Variants in SPTB observed in about 807,000 individuals in gnomAD.
SPTB encodes spectrin beta chain, erythrocytic.
SPTB carries 45 observed loss-of-function variants against 256.2 expected under a neutral mutation model. The observed-to-expected ratio is 0.18, with a 90% CI of 0.14 to 0.23. The LOEUF is 0.23. Ranked by LOEUF, SPTB falls within the 10% of genes least tolerant of loss-of-function variation. SPTB has a pLI of 1.00. For missense variants in SPTB, 2,715 were observed against 3,040.4 expected (o/e 0.89, Z 2.52); for synonymous variants, 1,231 against 1,243.1 (o/e 0.99, Z 0.21).
chr14:64,782,689 C>T, intron 19 of SPTB, 136 bp from the exon 20 acceptor site: 2 of 1,335,266 alleles, frequency 1.5e-6, no homozygotes, highest in Admixed American at 1.9e-5. Flanking sequence ...GGGTAAGACT[C>T]AACTGAAATG....
rs969007086 is a variant in SPTB at position 64,778,808 on chromosome 14, T to A, written c.4563+349A>T. On this transcript the variant is annotated intron_variant, in intron 22 of 35. Coordinates refer to ENST00000644917, the MANE Select transcript of SPTB (RefSeq NM_001355436.2). The surrounding 1 kb of genome is among the most constrained non-coding windows in gnomAD (Gnocchi z 5.2). ...GAGAGATCAGGAGTTACTGCCCTCC[T>A]CTCAGGCAGACCACTGGATACACCG... 6.6e-6 allele frequency among the ~76,000 whole-genome samples: 1 copy of A among 152,008 alleles called. No individual in the cohort carries two copies. The highest frequency in any genetic ancestry group is 2.4e-5 in the African/African-American group (1 of 41,362).
chr14:64,753,560 C>A lies in SPTB; in HGVS notation c.6579G>T (p.Gly2193=), dbSNP rs1367653277. The A allele has an allele frequency of 6.2e-7, 1 of 1,613,542 alleles. No individual in the cohort carries two copies. Among genetic ancestry groups the A allele is most frequent in the South Asian group, 1.1e-5 (1 of 91,086 alleles). The change falls in exon 33 of 36, where the codon GGG becomes GGT. Residue 2193 remains glycine, a synonymous_variant. Coordinates refer to ENST00000644917, the MANE Select transcript of SPTB (RefSeq NM_001355436.2). ...GYLGRKHDLE[G]PNKKASNRSW... ...ACCTGTTGGAAGCCTTCTTGTTGGG[C>A]CCCTCCAGGTCATGCTTGCGGCCCA...
In SPTB at chr14:64,824,546, A is replaced by C. The variant is rs2083347604; in HGVS notation, c.-51-1401T>G. Among the ~76,000 whole-genome samples the C allele has an allele frequency of 6.6e-6, 1 of 152,140 alleles. No individual in the cohort carries two copies. Among genetic ancestry groups the C allele is most frequent in the Non-Finnish European group, 1.5e-5 (1 of 68,014 alleles). The stretch of plus-strand genomic sequence containing the variant: ...ACTCCAAGATCAAGTCTGTAAGAGA[A>C]TAGGGGACCCAGAGCCTTCACAACC... On this transcript the variant is annotated intron_variant, in intron 1 of 35. Coordinates refer to ENST00000644917, the MANE Select transcript of SPTB (RefSeq NM_001355436.2). The surrounding 1 kb of genome is among the most constrained non-coding windows in gnomAD (Gnocchi z 5.7).
intron 1 of SPTB, among the ~76,000 whole-genome samples, chr14:64,862,065 C>T (rs940288944): frequency 1.3e-5 from 2 of 152,200 alleles, no homozygotes; most frequent in South Asian, 4.1e-4. Context: ...AAATCGACAC[C>T]CCCAGCCCAG....
chr14:64,834,428 C>CT (rs553895880), intron 1 of SPTB, among the ~76,000 whole-genome samples: 11,070 of 134,536 alleles, frequency 0.082, 496 homozygotes, highest in Middle Eastern at 0.14. Flanking sequence ...CTCTACAAAT[C>CT]TTTTTTTTTT....
chr14:64,765,357 G>C (rs888932261), intron 32 of SPTB, among the ~76,000 whole-genome samples: 3 of 152,050 alleles, frequency 2.0e-5, no homozygotes, highest in Admixed American at 1.3e-4. Flanking sequence ...CTTTCTTCTC[G>C]GTCAGCTGCT....
chr14:64,796,561 G>A lies in SPTB; in HGVS notation c.1337C>T (p.Ala446Val), dbSNP rs1162777186. The change falls in exon 11 of 36, where the codon GCC (alanine) becomes GTC (valine). Residue 446 changes from alanine (A) to valine (V), a missense_variant. By Grantham distance (64) the Ala-to-Val change is moderately conservative. Transcript: ENST00000644917. The surrounding 1 kb of genome is among the most constrained non-coding windows in gnomAD (Gnocchi z 4.1). Reference sequence around the variant, plus strand: ...CCAAAGCATGTCCCTCATTACCTGGGCCACGAGGCGCTGGTTTTCACTGAG... The same window carrying A: ...CCAAAGCATGTCCCTCATTACCTGGACCACGAGGCGCTGGTTTTCACTGAG... ...TWLSENQRLV[A>V]QDNFGYDLAA... 6 of 1,614,162 alleles carry A rather than the reference G, an allele frequency of 3.7e-6. No homozygotes were observed. The South Asian group carries it at 6.6e-5, about 18-fold the overall frequency.
intron 15 of SPTB, 128 bp from the exon 16 acceptor site, chr14:64,787,288 G>GAA (rs113859449): frequency 2.4e-5 from 24 of 1,014,772 alleles, no homozygotes; most frequent in Admixed American, 6.5e-5. Flanking sequence ...ATGATAAAAA[G>GAA]AAAAAAAAAA....
rs142228663 is a variant in SPTB, at chr14:64,878,242, C to G, written c.-52+1550G>C. Among the ~76,000 whole-genome samples the G allele has an allele frequency of 6.3e-4, 96 of 152,256 alleles. 4 individuals carry two copies. In the East Asian group the frequency reaches 0.017, roughly 27 times the overall value. On this transcript the variant is annotated intron_variant, in intron 1 of 35. Coordinates refer to ENST00000644917, the MANE Select transcript of SPTB (RefSeq NM_001355436.2). ...ATAAAATTCTTTATAAATGACCCAC[C>G]TCTGGAGTTAGTGGGTTTCAAGGCT... is the stretch of plus-strand genomic sequence containing the variant.
intron 1 of SPTB, among the ~76,000 whole-genome samples, chr14:64,831,673 A>G (rs2083452957): frequency 6.6e-6 from 1 of 152,216 alleles, no homozygotes; most frequent in Admixed American, 6.5e-5. Context: ...ACGGGCCTAG[A>G]AGGGGACATA....
At chr14:64,821,750 A>G (rs1361082178) in intron 2 of SPTB, among the ~76,000 whole-genome samples, 1 of 152,214 alleles carries the variant, frequency 6.6e-6, no homozygotes, top group Admixed American at 6.5e-5. Flanking sequence ...GAGCAAGGAC[A>G]CCAGGGGTAA....
At chr14:64,753,493 A>G (rs1408476915) in intron 33 of SPTB, 44 bp downstream of exon 33, 1 of 1,611,862 alleles carries the variant, frequency 6.2e-7, no homozygotes, top group Non-Finnish European at 8.5e-7. Context: ...GATCCCTGAG[A>G]GCTGCCCAAC....
intron 4 of SPTB, among the ~76,000 whole-genome samples, chr14:64,803,030 G>A (rs1332829128): frequency 6.6e-6 from 1 of 152,078 alleles, no homozygotes; most frequent in Non-Finnish European, 1.5e-5. Context: ...TCGGACATGC[G>A]GGGCCACTTG....
Position 64,786,737 on chromosome 14 carries a change from C to T in SPTB, c.3228G>A (p.Trp1076Ter). The change falls in exon 16 of 36, where the codon TGG (tryptophan) becomes TGA (stop). Residue 1076 changes from tryptophan to a stop codon, truncating the protein, a stop_gained. Transcript: ENST00000644917. LOFTEE classifies it high-confidence loss of function. This position sits in a 1 kb window ranked among gnomAD's most constrained non-coding sequence, Gnocchi z 5.6. ...CCACAGCCTTCTGGGTGATGGAGAGCCAGGCCTGGAAGTCATCCAGATCCT... is the reference window on the plus strand; with the variant it reads ...CCACAGCCTTCTGGGTGATGGAGAGTCAGGCCTGGAAGTCATCCAGATCCT... ...FLQDLDDFQA[W>*]LSITQKAVAS... The T allele has an allele frequency of 6.2e-7, 1 of 1,614,134 alleles. No individual in the cohort carries two copies. Among genetic ancestry groups the T allele is most frequent in the Non-Finnish European group, 8.5e-7 (1 of 1,180,028 alleles).
Position 64,773,226 on chromosome 14 carries a change from G to C in SPTB, c.5172C>G (p.His1724Gln). 1 of 1,614,220 alleles carries C rather than the reference G, an allele frequency of 6.2e-7. No individual in the cohort carries two copies. Among genetic ancestry groups the C allele is most frequent in the Non-Finnish European group, 8.5e-7 (1 of 1,180,044 alleles). Residue 1724 changes from histidine to glutamine, a missense_variant, in exon 25 of 36, where the codon CAC becomes CAG. His to Gln is a conservative substitution (Grantham distance 24). Around this residue, in one of 4 missense-constraint regions of SPTB, gnomAD observed 2,239 missense variants for 2,384.4 expected, o/e 0.94. Transcript: ENST00000644917. ...AGGAGTTGTGGCTACTCACAGTCACGTGGTCAAAGTCTTGCCCCATTTCCG... is the reference window on the plus strand; with the variant it reads ...AGGAGTTGTGGCTACTCACAGTCACCTGGTCAAAGTCTTGCCCCATTTCCG... ...SSPEMGQDFD[H>Q]VTLLRDKFRD...
chr14:64,820,736 T>C (rs1243052369), intron 2 of SPTB, among the ~76,000 whole-genome samples: 3 of 152,140 alleles, frequency 2.0e-5, no homozygotes, highest in Admixed American at 2.0e-4. Context: ...AGTGGCGTGA[T>C]CTTGGGTCAC....
rs544914906 is a variant in SPTB at position 64,784,367 on chromosome 14, C to G, written c.3882G>C (p.Leu1294=). The change falls in exon 19 of 36, where the codon CTG becomes CTC. Residue 1294 remains leucine, a synonymous_variant. Coordinates refer to ENST00000644917, the MANE Select transcript of SPTB (RefSeq NM_001355436.2). ...QELTLWINDK[L]LTSQDVSYDE... is the part of the protein sequence containing the mutation. ...CATAGGAGACATCCTGAGATGTCAG[C>G]AGCTTGTCGTTGATCCAGAGAGTGA... The G allele has an allele frequency of 1.1e-5, 17 of 1,614,238 alleles. No individual in the cohort carries two copies. The African/African-American group carries it at 1.7e-4, about 16-fold the overall frequency.
At chr14:64,791,905 A>G (rs1253923460) in intron 14 of SPTB, 49 bp from the exon 15 acceptor site, 1 of 1,612,176 alleles carries the variant, frequency 6.2e-7, no homozygotes, top group Non-Finnish European at 8.5e-7. Context: ...GGCAGCAGAC[A>G]TTTCCTTGCC....
chr14:64,849,919 T>C (rs1311182407), intron 1 of SPTB, among the ~76,000 whole-genome samples: 1 of 152,302 alleles, frequency 6.6e-6, no homozygotes, highest in South Asian at 2.1e-4. Flanking sequence ...AAGTTCAACA[T>C]ATCCTGGGGC....
Sources: allele counts gnomAD v4.1 joint callset (sites outside exome capture counted in the v4.1 genomes callset), GRCh38; gene constraint gnomAD v4.1.1; regional missense constraint gnomAD v4.1.1; non-coding constraint Gnocchi (gnomAD v3.1); transcripts MANE v1.5; gene names NCBI Gene and HGNC (gene_info 2026-07-23, HGNC 2026-07-21).